BAG4: variants seen among roughly 807,000 people sequenced by gnomAD.
BAG4 encodes BAG cochaperone 4.
BAG4 carries 28 observed loss-of-function variants against 52.1 expected under a neutral mutation model. That is an observed-to-expected ratio of 0.54 (90% CI 0.40 to 0.74). The LOEUF is 0.74. Ranked by LOEUF, BAG4 falls within the 30% of genes least tolerant of loss-of-function variation. The pLI is 0.00. For missense variants in BAG4, 525 were observed against 572.0 expected, an observed-to-expected ratio of 0.92 and a Z score of 0.84; for synonymous variants, 208 against 217.0, an observed-to-expected ratio of 0.96 and a Z score of 0.37.
chr8:38,201,065 A>G (rs1372693473), intron 2 of BAG4, among the ~76,000 whole-genome samples: 1 of 152,244 alleles, frequency 6.6e-6, no homozygotes, highest in Non-Finnish European at 1.5e-5. Flanking sequence ...GCTTTTTCTC[A>G]TAACATTTTC....
intron 1 of BAG4, among the ~76,000 whole-genome samples, chr8:38,181,018 G>A (rs1391034512): frequency 1.3e-5 from 2 of 148,450 alleles, no homozygotes; most frequent in African/African-American, 5.0e-5. Context: ...TCGGCTCACC[G>A]CAAGCTCCGC....
At chr8:38,193,740 A>ATT (rs1307318707) in intron 2 of BAG4, among the ~76,000 whole-genome samples, 6 of 90,828 alleles carry the variant, frequency 6.6e-5, no homozygotes, top group Non-Finnish European at 7.1e-5. Context: ...TAATTTTTTG[A>ATT]TTTTTTTTTT....
intron 1 of BAG4, among the ~76,000 whole-genome samples, chr8:38,186,077 C>T (rs748165816): frequency 3.5e-4 from 53 of 152,156 alleles, no homozygotes; most frequent in Non-Finnish European, 6.9e-4. Context: ...GGAGGAGTAG[C>T]GTACCAACAT....
At chr8:38,192,514 C>A (rs1462507046) in intron 1 of BAG4, among the ~76,000 whole-genome samples, 174 bp from the exon 2 acceptor site, 1 of 151,984 alleles carries the variant, frequency 6.6e-6, no homozygotes, top group African/African-American at 2.4e-5. Context: ...CTCAAGCGAT[C>A]CACCCACCTC....
intron 1 of BAG4, among the ~76,000 whole-genome samples, chr8:38,180,916 G>T (rs1048264141): frequency 6.6e-6 from 1 of 151,684 alleles, no homozygotes; most frequent in Non-Finnish European, 1.5e-5. Flanking sequence ...AAGTATGGCA[G>T]GGAAAAAATT....
chr8:38,192,646 T>C (rs201738849), intron 1 of BAG4, 42 bp from the exon 2 acceptor site: 45 of 1,448,882 alleles, frequency 3.1e-5, no homozygotes, highest in Non-Finnish European at 4.1e-5. Flanking sequence ...AAATGATGTA[T>C]GAATGTTATT....
Position 38,181,886 on chromosome 8 carries a change from C to CAAAAA in BAG4, c.270+4773_270+4777dup, listed in dbSNP as rs34268146. On this transcript the variant is annotated intron_variant, in intron 1 of 4. Transcript: ENST00000287322. ...CCTGGGCTGCCTAGCGAGACTATCT[C>CAAAAA]AAAAAAAAAAAAAAAAAAAAAAAAA... Among the ~76,000 whole-genome samples the CAAAAA allele has an allele frequency of 4.3e-4, 16 of 37,268 alleles. 1 individual carries two copies. Among genetic ancestry groups the CAAAAA allele is most frequent in the African/African-American group, 7.6e-4 (7 of 9,228 alleles). The allele number at this position is 37,268 out of a possible 152,430, so 24.4% of individuals were successfully genotyped here.
At chr8:38,195,029 T>A (rs1422742709) in intron 2 of BAG4, among the ~76,000 whole-genome samples, 1 of 151,552 alleles carries the variant, frequency 6.6e-6, no homozygotes, top group Non-Finnish European at 1.5e-5. Context: ...TAATTTTTTG[T>A]ATTTCTAGTA....
chr8:38,207,642 C>G lies in BAG4; in HGVS notation c.509C>G (p.Pro170Arg). The G allele has an allele frequency of 6.2e-7, 1 of 1,614,170 alleles. No homozygotes were observed. ...YTQTSYSTEV[P>R]STYRSSGNSP... The stretch of plus-strand genomic sequence containing the variant: ...CAGACCAGTTACTCCACAGAAGTTC[C>G]AAGTACTTACCGTTCATCTGGCAAC... The change falls in exon 3 of 5, where the codon CCA (proline) becomes CGA (arginine). Residue 170 changes from proline (P) to arginine (R), a missense_variant. This residue lies in a region of BAG4 where 287 missense variants were observed against 266.1 expected (regional missense o/e 1.08). Transcript: ENST00000287322.
intron 2 of BAG4, among the ~76,000 whole-genome samples, chr8:38,197,083 A>C (rs933002432): frequency 6.6e-6 from 1 of 152,176 alleles, no homozygotes; most frequent in Non-Finnish European, 1.5e-5. Flanking sequence ...CTCTGTCTCA[A>C]AAAAGAAAAG....
Position 38,194,030 on chromosome 8 carries a change from C to T in BAG4, c.378+1235C>T, listed in dbSNP as rs567059231. On this transcript the variant is annotated intron_variant, in intron 2 of 4. Transcript: ENST00000287322. ...GGGATTATAGGCGTGAGCCACCACG[C>T]CCGGCCAGTTTTTGGATTTTTAGTA... 6.6e-5 allele frequency among the ~76,000 whole-genome samples: 10 copies of T among 152,290 alleles called. No individual in the cohort carries two copies. In the South Asian group the frequency reaches 1.9e-3, roughly 28 times the overall value.
intron 4 of BAG4, chr8:38,209,523 C>G: frequency 2.0e-6 from 1 of 509,756 alleles, no homozygotes; most frequent in Non-Finnish European, 3.4e-6. Context: ...TGTAATTCTT[C>G]TAAACGTTAA....
Position 38,176,975 on chromosome 8 carries a change from T to G in BAG4, c.106T>G (p.Leu36Val). 6.3e-7 allele frequency: 1 copy of G among 1,580,116 alleles called. No homozygotes were observed. Among genetic ancestry groups the G allele is most frequent in the Non-Finnish European group, 8.6e-7 (1 of 1,163,234 alleles). The change falls in exon 1 of 5, where the codon TTA becomes GTA. Residue 36 changes from leucine (L) to valine (V), a missense_variant. Around this residue, in one of 2 missense-constraint regions of BAG4, gnomAD observed 287 missense variants for 266.1 expected, o/e 1.08. Coordinates refer to ENST00000287322, the MANE Select transcript of BAG4 (RefSeq NM_004874.4). The stretch of plus-strand genomic sequence containing the variant: ...TGTGCCGGTACACCCACCTCCACCC[T>G]TATATCCTCTTCGCCCTGAACCTCC... Reference protein sequence around the residue: ...GDVPVHPPPPLYPLRPEPPQP... With the variant: ...GDVPVHPPPPVYPLRPEPPQP...
At chr8:38,209,689 C>T (rs1460949892) in intron 4 of BAG4, 1 of 365,758 alleles carries the variant, frequency 2.7e-6, no homozygotes, top group Non-Finnish European at 4.9e-6. Flanking sequence ...GGTTTTTAAC[C>T]TTTTAGGGGA....
chr8:38,201,866 ATATATATATATATATTTTTTTTTTTTTTT>A (rs1803676372), intron 2 of BAG4: 3 of 7,994 alleles, frequency 3.8e-4, no homozygotes, highest in African/African-American at 1.3e-3. Flanking sequence ...ATATATATAT[ATATATATATATATATTTTTTTTTTTTTTT>A]TTTTTTTTTT....
intron 1 of BAG4, among the ~76,000 whole-genome samples, chr8:38,182,159 C>G (rs773679984): frequency 6.6e-6 from 1 of 151,856 alleles, no homozygotes; most frequent in Non-Finnish European, 1.5e-5. Context: ...TGGAAGAGAT[C>G]CAAATGAGTT....
chr8:38,188,928 G>C (rs1261252814), intron 1 of BAG4, among the ~76,000 whole-genome samples: 1 of 150,932 alleles, frequency 6.6e-6, no homozygotes, highest in Non-Finnish European at 1.5e-5. Context: ...CAAGTAGCTA[G>C]GACTACGGGT....
intron 1 of BAG4, among the ~76,000 whole-genome samples, chr8:38,192,287 T>G (rs1159713210): frequency 6.6e-6 from 1 of 152,206 alleles, no homozygotes; most frequent in Non-Finnish European, 1.5e-5. Context: ...CTTGATGTAG[T>G]AGAATTCCTT....
chr8:38,209,230 C>T lies in BAG4; in HGVS notation c.851C>T (p.Pro284Leu). The change falls in exon 4 of 5, where the codon CCC (proline) becomes CTC (leucine). Residue 284 changes from proline (P) to leucine (L), a missense_variant. Pro to Leu is a moderately conservative substitution (Grantham distance 98). Transcript: ENST00000287322. ...TCACCATGGCCTAGCAGTGGCTCTC[C>T]CCAGTCACCCCCTTCACCCCCAGTC... Reference protein sequence around the residue: ...STSPWPSSGSPQSPPSPPVQQ... With the variant: ...STSPWPSSGSLQSPPSPPVQQ... 1 of 1,614,160 alleles carries T rather than the reference C, an allele frequency of 6.2e-7. No homozygotes were observed. The highest frequency in any genetic ancestry group is 8.5e-7 in the Non-Finnish European group (1 of 1,180,038).
Sources: allele counts gnomAD v4.1 joint callset (sites outside exome capture counted in the v4.1 genomes callset), GRCh38; gene constraint gnomAD v4.1.1; regional missense constraint gnomAD v4.1.1; transcripts MANE v1.5; gene names NCBI Gene and HGNC (gene_info 2026-07-23, HGNC 2026-07-21).